The following CDC25C variants were observed in gnomAD, a reference collection of about 807,000 sequenced individuals.
The protein encoded by CDC25C is M-phase inducer phosphatase 3.
A neutral mutation model predicts 52.5 loss-of-function variants in CDC25C; 48 were observed. The observed-to-expected ratio is 0.91, with a 90% CI of 0.72 to 1.16. The LOEUF (loss-of-function observed/expected upper bound fraction) is 1.16. Ranked by LOEUF, CDC25C falls within the 50% of genes most tolerant of loss-of-function variation. CDC25C has a pLI of 0.00. For synonymous variants in CDC25C, 187 were observed against 206.5 expected (o/e 0.91, Z 0.81); for missense variants, 510 against 566.1 (o/e 0.90, Z 1.01).
At chr5:138,326,149 T>C (rs1311539810) in intron 4 of CDC25C, 95 bp from the exon 5 acceptor site, 1 of 1,275,544 alleles carries the variant, frequency 7.8e-7, no homozygotes, top group East Asian at 2.3e-5. Context: ...TTCTATTTCA[T>C]TCTAGGAGCC....
At chr5:138,313,294 A>G (rs1439834862) in intron 7 of CDC25C, among the ~76,000 whole-genome samples, 3 of 150,608 alleles carry the variant, frequency 2.0e-5, no homozygotes, top group Non-Finnish European at 2.9e-5. Flanking sequence ...CAGGAGAATC[A>G]CTTGAACCCA....
At chr5:138,314,996 C>T (rs1023329128) in intron 7 of CDC25C, among the ~76,000 whole-genome samples, 13 of 145,208 alleles carry the variant, frequency 9.0e-5, no homozygotes, top group African/African-American at 3.1e-4. Flanking sequence ...GGTGCGATCT[C>T]GGCTCACTGC....
At chr5:138,289,871 C>CAA (rs756616111) in intron 9 of CDC25C, among the ~76,000 whole-genome samples, 3 of 80,424 alleles carry the variant, frequency 3.7e-5, no homozygotes, top group East Asian at 3.4e-4. Flanking sequence ...TATGAGCAGC[C>CAA]AAAAAAAAAA....
intron 7 of CDC25C, among the ~76,000 whole-genome samples, chr5:138,305,857 A>C (rs949896851): frequency 3.9e-5 from 6 of 152,202 alleles, no homozygotes; most frequent in Non-Finnish European, 8.8e-5. Context: ...CTTGTGACCA[A>C]CTAGATATTC....
At chr5:138,338,115 G>C in exon 1 of CDC25C, 2 of 1,289,794 alleles carry the variant, frequency 1.6e-6, no homozygotes, top group Middle Eastern at 2.1e-4. Flanking sequence ...CTGTCCGAGA[G>C]ACACTTTGAG....
chr5:138,314,846 C>A (rs1330978614), intron 7 of CDC25C, among the ~76,000 whole-genome samples: 1 of 150,156 alleles, frequency 6.7e-6, no homozygotes, highest in Non-Finnish European at 1.5e-5. Context: ...GTCTCAAACT[C>A]CTGGCTTCAG....
At chr5:138,288,816 A>C (rs747844397) in intron 10 of CDC25C, among the ~76,000 whole-genome samples, 12 of 152,334 alleles carry the variant, frequency 7.9e-5, no homozygotes, top group Middle Eastern at 3.4e-3. Flanking sequence ...TGAGAATGAA[A>C]GCAAACACTA....
At chr5:138,315,367 T>G (rs1369833678) in intron 7 of CDC25C, among the ~76,000 whole-genome samples, 2 of 152,242 alleles carry the variant, frequency 1.3e-5, no homozygotes, top group Non-Finnish European at 2.9e-5. Context: ...TAGGGTTCAG[T>G]ACTGTCTGCA....
intron 7 of CDC25C, 152 bp downstream of exon 7, chr5:138,319,067 T>C (rs549853495): frequency 4.7e-6 from 3 of 632,288 alleles, no homozygotes; most frequent in Non-Finnish European, 8.1e-6. Context: ...AAACTGGAGT[T>C]TTACTGAACA....
chr5:138,297,739 GACT>G (rs1757321937), intron 7 of CDC25C, among the ~76,000 whole-genome samples: 1 of 152,134 alleles, frequency 6.6e-6, no homozygotes. Flanking sequence ...CAAAGAAGTA[GACT>G]AATAAATATA....
intron 4 of CDC25C, among the ~76,000 whole-genome samples, chr5:138,328,056 G>A (rs760385096): frequency 2.0e-5 from 3 of 151,996 alleles, no homozygotes; most frequent in African/African-American, 4.8e-5. Context: ...TAGTAGAGAC[G>A]GGGTTTCACC....
intron 7 of CDC25C, among the ~76,000 whole-genome samples, chr5:138,303,973 G>C (rs1356092893): frequency 1.3e-5 from 2 of 152,142 alleles, no homozygotes; most frequent in South Asian, 4.1e-4. Flanking sequence ...GGGTATAAAA[G>C]GAGATTGATT....
intron 10 of CDC25C, among the ~76,000 whole-genome samples, chr5:138,287,703 G>A (rs556810936): frequency 6.6e-6 from 1 of 152,324 alleles, no homozygotes; most frequent in Admixed American, 6.5e-5. Context: ...ATACCTAAAG[G>A]AAGGAAGAAA....
At chr5:138,304,331 CTTTTTTT>C (rs558050918) in intron 7 of CDC25C, among the ~76,000 whole-genome samples, 9,393 of 100,632 alleles carry the variant, frequency 0.093, 309 homozygotes, top group Non-Finnish European at 0.13. Context: ...CCATGCCTGG[CTTTTTTT>C]TTTTTTTTTT....
At chr5:138,334,059 G>C (rs537892095), upstream of CDC25C, among the ~76,000 whole-genome samples, 2 of 151,704 alleles carry the variant, frequency 1.3e-5, no homozygotes, top group African/African-American at 4.8e-5. Context: ...TCAGCCTCCC[G>C]AGTAGCTGGG....
chr5:138,285,909 GAT>G, intron 13 of CDC25C, 68 bp from the exon 14 acceptor site: 1 of 1,573,514 alleles, frequency 6.4e-7, no homozygotes, highest in Non-Finnish European at 8.7e-7. Flanking sequence ...GGATAATAGA[GAT>G]GCTGCTGCTG....
At chr5:138,286,268 C>T in intron 12 of CDC25C, 135 bp from the exon 13 acceptor site, 1 of 809,950 alleles carries the variant, frequency 1.2e-6, no homozygotes, top group Non-Finnish European at 1.9e-6. Flanking sequence ...CCTGTGTTTG[C>T]AAAAAAAGGT....
chr5:138,302,327 A>G (rs1307056497), intron 7 of CDC25C, among the ~76,000 whole-genome samples: 2 of 152,026 alleles, frequency 1.3e-5, no homozygotes, highest in African/African-American at 2.4e-5. Flanking sequence ...AATGTTAGCA[A>G]TGAAATCCAA....
chr5:138,300,315 G>T (rs754761836), intron 7 of CDC25C, among the ~76,000 whole-genome samples: 2 of 152,166 alleles, frequency 1.3e-5, no homozygotes, highest in Non-Finnish European at 2.9e-5. Flanking sequence ...ACTCATCTCT[G>T]CACGTTGTGA....
Sources: gnomAD v4.1 joint callset for allele counts (sites outside exome capture counted in the v4.1 genomes callset) on GRCh38, gnomAD v4.1.1 for gene constraint, MANE v1.5 for transcripts, NCBI Gene and HGNC (gene_info 2026-07-23, HGNC 2026-07-21) for gene names.